MAST4: variants seen among roughly 807,000 people sequenced by gnomAD.
The protein encoded by MAST4 is microtubule associated serine/threonine kinase family member 4.
A neutral mutation model predicts 162.7 loss-of-function variants in MAST4; 89 were observed. The ratio of observed to expected loss-of-function variants is 0.55; its 90% confidence interval spans 0.46 to 0.65. The LOEUF is 0.65. MAST4 is among the 30% of genes least tolerant of loss of function. MAST4 has a pLI of 0.00. For synonymous variants in MAST4, 1,479 were observed against 1,361.1 expected (o/e 1.09, Z -1.91); for missense variants, 3,153 against 3,374.0 (o/e 0.93, Z 1.62).
chr5:67,129,326 C>G (rs1269852151), intron 14 of MAST4, among the ~76,000 whole-genome samples: 2 of 152,156 alleles, frequency 1.3e-5, no homozygotes, highest in East Asian at 1.9e-4. Flanking sequence ...TCTCATTTAT[C>G]TGGAAATTTC....
At chr5:66,981,824 A>G (rs1002083725) in intron 4 of MAST4, among the ~76,000 whole-genome samples, 26 of 152,182 alleles carry the variant, frequency 1.7e-4, no homozygotes, top group Non-Finnish European at 5.9e-5. Context: ...TTAAAAACTC[A>G]GTGTCTCTGC....
intron 4 of MAST4, among the ~76,000 whole-genome samples, chr5:66,921,105 A>C (rs1764502063): frequency 6.6e-6 from 1 of 152,212 alleles, no homozygotes; most frequent in Admixed American, 6.5e-5. Context: ...CACATGACTT[A>C]AAGAATAAGG....
chr5:66,702,661 T>G (rs1749856434), intron 1 of MAST4, among the ~76,000 whole-genome samples: 1 of 151,974 alleles, frequency 6.6e-6, no homozygotes, highest in South Asian at 2.1e-4. Flanking sequence ...AGGACTGTGT[T>G]TGAAGATAAA....
At chr5:67,087,255 C>T (rs145590495) in intron 5 of MAST4, among the ~76,000 whole-genome samples, 122 of 152,276 alleles carry the variant, frequency 8.0e-4, no homozygotes, top group Admixed American at 2.4e-3. Flanking sequence ...TCCTTTTTCA[C>T]TCGTTTCTAA....
intron 3 of MAST4, among the ~76,000 whole-genome samples, chr5:66,831,423 A>G (rs972645499): frequency 2.0e-5 from 3 of 152,232 alleles, no homozygotes; most frequent in African/African-American, 7.2e-5. Context: ...AGTATACACT[A>G]TTCTAATTCT....
At chr5:67,121,313 T>C (rs1767555183) in intron 14 of MAST4, among the ~76,000 whole-genome samples, 1 of 152,158 alleles carries the variant, frequency 6.6e-6, no homozygotes, top group Non-Finnish European at 1.5e-5. Flanking sequence ...GGAGTTACTT[T>C]AGAGGGTTGG....
intron 5 of MAST4, among the ~76,000 whole-genome samples, chr5:67,061,700 T>A (rs1759626620): frequency 6.6e-6 from 1 of 152,106 alleles, no homozygotes; most frequent in African/African-American, 2.4e-5. Context: ...ATCTCATTGC[T>A]TCCCCTCCCT....
intron 1 of MAST4, among the ~76,000 whole-genome samples, chr5:66,648,893 C>T (rs916511407): frequency 4.6e-5 from 7 of 151,926 alleles, no homozygotes; most frequent in Non-Finnish European, 8.8e-5. Context: ...TATGACCATT[C>T]GGTATGAATT....
intron 5 of MAST4, among the ~76,000 whole-genome samples, chr5:67,081,008 A>AAT (rs1342686379): frequency 1.7e-5 from 2 of 116,488 alleles, no homozygotes; most frequent in African/African-American, 8.3e-5. Flanking sequence ...TATATAATAT[A>AAT]ATATATAATT....
At chr5:67,071,438 C>T (rs573326559) in intron 5 of MAST4, among the ~76,000 whole-genome samples, 1 of 152,054 alleles carries the variant, frequency 6.6e-6, no homozygotes, top group South Asian at 2.1e-4. Context: ...ATGGATCTTT[C>T]CTGGAAAAGT....
intron 5 of MAST4, among the ~76,000 whole-genome samples, chr5:67,057,169 C>G (rs1758937110): frequency 6.6e-6 from 1 of 152,120 alleles, no homozygotes; most frequent in African/African-American, 2.4e-5. Flanking sequence ...GGACCAGGCC[C>G]CACATCCTGA....
intron 1 of MAST4, among the ~76,000 whole-genome samples, chr5:66,714,629 G>A (rs1473975977): frequency 6.6e-6 from 1 of 152,166 alleles, no homozygotes; most frequent in African/African-American, 2.4e-5. Context: ...TGAATTCCTT[G>A]CATTTTCTTA....
chr5:66,640,493 A>C (rs1745422930), intron 1 of MAST4, among the ~76,000 whole-genome samples: 1 of 152,078 alleles, frequency 6.6e-6, no homozygotes, highest in African/African-American at 2.4e-5. Context: ...TAATTTTAAT[A>C]GAGTCAGGGT....
intron 5 of MAST4, among the ~76,000 whole-genome samples, chr5:67,066,460 A>G (rs1760243444): frequency 6.6e-6 from 1 of 151,370 alleles, no homozygotes; most frequent in Non-Finnish European, 1.5e-5. Flanking sequence ...TACATATATA[A>G]ATGTATGATC....
At chr5:66,840,044 G>T (rs1758308756) in intron 3 of MAST4, among the ~76,000 whole-genome samples, 1 of 151,054 alleles carries the variant, frequency 6.6e-6, no homozygotes. Flanking sequence ...CTTTTTTTTT[G>T]AGCTTTGGCC....
intron 10 of MAST4, among the ~76,000 whole-genome samples, chr5:67,106,412 A>G (rs963615487): frequency 5.3e-5 from 8 of 152,160 alleles, no homozygotes; most frequent in Non-Finnish European, 1.2e-4. Flanking sequence ...TTCATCCATC[A>G]TTGGCACTGC....
At chr5:66,976,586 T>C (rs977919048) in intron 4 of MAST4, among the ~76,000 whole-genome samples, 1 of 152,214 alleles carries the variant, frequency 6.6e-6, no homozygotes, top group Non-Finnish European at 1.5e-5. Flanking sequence ...CCCACAACTT[T>C]GGAGAAAAGA....
chr5:66,738,568 A>G (rs1752284261), intron 1 of MAST4, among the ~76,000 whole-genome samples: 1 of 152,264 alleles, frequency 6.6e-6, no homozygotes, highest in Non-Finnish European at 1.5e-5. Flanking sequence ...ACAATAAGCC[A>G]GCAAGTAAAA....
At chr5:66,905,737 G>A (rs977401000) in intron 4 of MAST4, among the ~76,000 whole-genome samples, 2 of 152,130 alleles carry the variant, frequency 1.3e-5, no homozygotes, top group Non-Finnish European at 1.5e-5. Context: ...GGAAAGGTGC[G>A]ATAGCTGGGT....
Sources: allele counts gnomAD v4.1 joint callset (sites outside exome capture counted in the v4.1 genomes callset), GRCh38; gene constraint gnomAD v4.1.1; transcripts MANE v1.5; gene names NCBI Gene and HGNC (gene_info 2026-07-23, HGNC 2026-07-21).